The following LNX1 variants were observed in gnomAD, a reference collection of about 807,000 sequenced individuals.
LNX1 encodes E3 ubiquitin-protein ligase LNX.
LNX1 carries 54 observed loss-of-function variants against 68.4 expected under a neutral mutation model. The ratio of observed to expected loss-of-function variants is 0.79; its 90% CI spans 0.63 to 0.99. The LOEUF (loss-of-function observed/expected upper bound fraction) is 0.99, where lower values mean the gene tolerates loss of function less well. Ranked by LOEUF, LNX1 falls within the 50% of genes least tolerant of loss-of-function variation. The pLI is 0.00. For missense variants in LNX1, 906 were observed against 926.4 expected (o/e 0.98, Z 0.29); for synonymous variants, 336 against 350.0 (o/e 0.96, Z 0.45).
chr4:53,508,651 G>T (rs1726101604), intron 2 of LNX1, among the ~76,000 whole-genome samples: 1 of 152,158 alleles, frequency 6.6e-6, no homozygotes, highest in African/African-American at 2.4e-5. Context: ...AGCACTGAAC[G>T]TAAATATAAA....
Position 53,573,685 on chromosome 4 carries a change from T to C in LNX1, c.318A>G (p.Pro106=). 1 of 1,609,494 alleles carries C rather than the reference T, an allele frequency of 6.2e-7. No individual in the cohort carries two copies. Among genetic ancestry groups the C allele is most frequent in the Non-Finnish European group, 8.5e-7 (1 of 1,178,024 alleles). ...KLLNKLLVTC[P]FREHCTQVLQ... ...ACACCTGGGTGCAGTGCTCCCTGAA[T>C]GGGCAGGTCACCAGTAGCTTGTTGA... is the stretch of plus-strand genomic sequence containing the variant. Residue 106 remains proline, a synonymous_variant, in exon 2 of 11, where the codon CCA becomes CCG. Transcript: ENST00000263925.
intron 2 of LNX1, among the ~76,000 whole-genome samples, chr4:53,529,345 C>T (rs528131989): frequency 6.6e-6 from 1 of 152,266 alleles, no homozygotes; most frequent in South Asian, 2.1e-4. Context: ...GTTGAGGAGA[C>T]AAGGTACTTC....
At chr4:53,566,573 G>A (rs1241782434) in intron 2 of LNX1, among the ~76,000 whole-genome samples, 1 of 151,098 alleles carries the variant, frequency 6.6e-6, no homozygotes, top group Non-Finnish European at 1.5e-5. Flanking sequence ...ATCGAGACTA[G>A]GAAGAAACTG....
chr4:53,641,104 A>G, intron 1 of LNX1, among the ~76,000 whole-genome samples: 1 of 132,222 alleles, frequency 7.6e-6, no homozygotes, highest in East Asian at 2.4e-4. Context: ...TGTGCATTTT[A>G]TTTCCTCAAT....
At chr4:53,603,922 C>G (rs1295122205) in intron 2 of LNX1, 1 of 152,156 alleles carries the variant, frequency 6.6e-6, no homozygotes, top group Non-Finnish European at 1.5e-5. Context: ...GTTGGTGCCT[C>G]TACTGATTAT....
chr4:53,459,622 T>C lies in LNX1; in HGVS notation c.*1285A>G. ...TGAATTTTTCATGTTAAGTTAAAAA[T>C]CTTTGTCTTGTACTATTTCAAAAAT... On this transcript the variant is annotated 3_prime_UTR_variant, in exon 11 of 11. Coordinates refer to ENST00000263925, the MANE Select transcript of LNX1 (RefSeq NM_001126328.3). 2.2e-6 allele frequency: 2 copies of C among 904,070 alleles called. No homozygotes were observed. The highest frequency in any genetic ancestry group is 3.4e-6 in the Non-Finnish European group (2 of 589,622). The allele number at this position is 904,070 out of a possible 1,614,324, so 56.0% of individuals were successfully genotyped here.
intron 1 of LNX1, among the ~76,000 whole-genome samples, chr4:53,639,155 A>G (rs1734584745): frequency 6.6e-6 from 1 of 152,204 alleles, no homozygotes. Flanking sequence ...GCATCCATGA[A>G]AAAGAACAAA....
intron 2 of LNX1, among the ~76,000 whole-genome samples, chr4:53,521,949 A>T (rs558311910): frequency 9.8e-5 from 14 of 143,046 alleles, no homozygotes; most frequent in Non-Finnish European, 1.8e-4. Context: ...ACAGGTGTAT[A>T]CCACCACACC....
At chr4:53,642,139 T>C (rs140911540) in intron 1 of LNX1, among the ~76,000 whole-genome samples, 2 of 151,344 alleles carry the variant, frequency 1.3e-5, no homozygotes, top group Admixed American at 1.3e-4. Context: ...GGAGGATTGC[T>C]TGAGCTCAAA....
At chr4:53,633,943 A>G (rs1466315833) in intron 1 of LNX1, among the ~76,000 whole-genome samples, 2 of 152,178 alleles carry the variant, frequency 1.3e-5, no homozygotes, top group Non-Finnish European at 2.9e-5. Context: ...GAGTTCCTAA[A>G]ATATGATCTG....
At chr4:53,545,792 C>G (rs1026771022) in intron 2 of LNX1, among the ~76,000 whole-genome samples, 5 of 143,220 alleles carry the variant, frequency 3.5e-5, no homozygotes, top group Non-Finnish European at 7.5e-5. Context: ...TGAATGACTT[C>G]AGAGGCCACA....
At chr4:53,524,926 T>G (rs1241366086) in intron 2 of LNX1, among the ~76,000 whole-genome samples, 2 of 152,162 alleles carry the variant, frequency 1.3e-5, no homozygotes, top group East Asian at 3.9e-4. Context: ...GATCTGGGGG[T>G]GCTTTCTTCT....
chr4:53,494,110 C>T (rs1382950151), intron 6 of LNX1, among the ~76,000 whole-genome samples: 4 of 152,188 alleles, frequency 2.6e-5, no homozygotes, highest in African/African-American at 9.7e-5. Context: ...AATTGTAGCT[C>T]CCATCATTCC....
chr4:53,540,611 G>C (rs892654099), intron 2 of LNX1, among the ~76,000 whole-genome samples: 8 of 152,020 alleles, frequency 5.3e-5, no homozygotes, highest in African/African-American at 1.9e-4. Context: ...GAACCCAGGA[G>C]GGGGAGGTTG....
At chr4:53,581,624 G>C (rs1308829018) in intron 1 of LNX1, among the ~76,000 whole-genome samples, 1 of 152,154 alleles carries the variant, frequency 6.6e-6, no homozygotes, top group East Asian at 1.9e-4. Context: ...ATGTGCAGGG[G>C]AACCGCCCTT....
chr4:53,633,403 T>G (rs1261150554), intron 1 of LNX1, among the ~76,000 whole-genome samples: 1 of 152,198 alleles, frequency 6.6e-6, no homozygotes, highest in Non-Finnish European at 1.5e-5. Context: ...TTATTGCTTC[T>G]TCCCAGGATT....
chr4:53,520,256 T>C (rs534731015), intron 2 of LNX1, among the ~76,000 whole-genome samples: 3 of 152,298 alleles, frequency 2.0e-5, no homozygotes, highest in African/African-American at 7.2e-5. Context: ...CTGAAAGAAC[T>C]GATTCCATTG....
At chr4:53,565,949 A>G (rs1305333689) in intron 2 of LNX1, among the ~76,000 whole-genome samples, 1 of 152,170 alleles carries the variant, frequency 6.6e-6, no homozygotes, top group Non-Finnish European at 1.5e-5. Context: ...GTTTAGAGAA[A>G]AAAGAATAAA....
At chr4:53,486,809 T>C (rs1368505941) in intron 6 of LNX1, among the ~76,000 whole-genome samples, 3 of 152,244 alleles carry the variant, frequency 2.0e-5, no homozygotes, top group Admixed American at 6.5e-5. Context: ...ATCATATTTA[T>C]ATGATGGAAC....
Sources: gnomAD v4.1 joint callset for allele counts (sites outside exome capture counted in the v4.1 genomes callset) on GRCh38, gnomAD v4.1.1 for gene constraint, MANE v1.5 for transcripts, NCBI Gene and HGNC (gene_info 2026-07-23, HGNC 2026-07-21) for gene names.